SLIT3: variants seen among roughly 807,000 people sequenced by gnomAD.
The protein encoded by SLIT3 is slit homolog 3 protein.
Under a neutral mutation model 184.0 loss-of-function variants are expected in SLIT3, and 68 were observed. The observed-to-expected ratio is 0.37, with a 90% CI of 0.30 to 0.45. The LOEUF is 0.45. Among genes scored for constraint, SLIT3 ranks in the 20% least tolerant of loss-of-function variants. SLIT3 has a pLI of 1.00. For synonymous variants in SLIT3, 831 were observed against 828.6 expected (o/e 1.00, Z -0.05); for missense variants, 1,707 against 2,026.0 (o/e 0.84, Z 3.02).
At chr5:169,195,688 G>A (rs916404295) in intron 3 of SLIT3, among the ~76,000 whole-genome samples, 2 of 152,172 alleles carry the variant, frequency 1.3e-5, no homozygotes, top group Middle Eastern at 3.4e-3. Flanking sequence ...CACCATGCCT[G>A]GCTAATTTTT....
At chr5:169,071,246 C>T (rs988937016) in intron 4 of SLIT3, among the ~76,000 whole-genome samples, 1 of 152,154 alleles carries the variant, frequency 6.6e-6, no homozygotes, top group African/African-American at 2.4e-5. Flanking sequence ...GGCTTCAGTC[C>T]CTGAATGGGG....
chr5:169,090,163 T>C (rs1468309887), intron 4 of SLIT3, among the ~76,000 whole-genome samples: 4 of 152,230 alleles, frequency 2.6e-5, no homozygotes, highest in Non-Finnish European at 4.4e-5. Context: ...GGGGCCTGTC[T>C]GGCAGGAGAT....
intron 5 of SLIT3, among the ~76,000 whole-genome samples, chr5:168,878,018 G>T (rs900091793): frequency 1.4e-4 from 21 of 151,354 alleles, no homozygotes; most frequent in Non-Finnish European, 2.8e-4. Context: ...TCTCCTTTTC[G>T]CTGTGCCTTT....
chr5:169,253,154 C>T (rs1420187943), intron 1 of SLIT3, among the ~76,000 whole-genome samples: 2 of 152,018 alleles, frequency 1.3e-5, no homozygotes, highest in African/African-American at 2.4e-5. Context: ...GATGGGAAAC[C>T]TGCAGACAGA....
chr5:168,875,525 T>C (rs1442861050), intron 5 of SLIT3, among the ~76,000 whole-genome samples: 2 of 151,762 alleles, frequency 1.3e-5, no homozygotes, highest in East Asian at 1.9e-4. Flanking sequence ...TCCCAGTTAC[T>C]TGGGAGGCTG....
intron 3 of SLIT3, among the ~76,000 whole-genome samples, chr5:169,202,766 A>G (rs1051365090): frequency 1.3e-5 from 2 of 150,556 alleles, no homozygotes; most frequent in African/African-American, 4.9e-5. Flanking sequence ...CTCAAGTATG[A>G]AAAGAAAACA....
chr5:169,264,529 C>A (rs1305072703), intron 1 of SLIT3, among the ~76,000 whole-genome samples: 1 of 152,194 alleles, frequency 6.6e-6, no homozygotes, highest in East Asian at 1.9e-4. Flanking sequence ...CTGCTCACAT[C>A]AGGCGGTCCT....
rs374901955 is a variant in SLIT3 at position 168,712,925 on chromosome 5, G to A, written c.2484-571C>T. Among the ~76,000 whole-genome samples, 60 of 152,338 alleles carry A rather than the reference G, an allele frequency of 3.9e-4. 2 individuals are homozygous for A. In the South Asian group the frequency reaches 0.012, roughly 29 times the overall value. The stretch of plus-strand genomic sequence containing the variant: ...ATGGGTGTGTTAATCCACGTAGAGA[G>A]AGCCAGCATTTTCTAAGTGCTAAAT... On this transcript the variant is annotated intron_variant, in intron 23 of 35. Transcript: ENST00000519560.
chr5:169,256,576 G>A (rs1765967530), intron 1 of SLIT3, among the ~76,000 whole-genome samples: 1 of 152,234 alleles, frequency 6.6e-6, no homozygotes, highest in African/African-American at 2.4e-5. Flanking sequence ...TGACCACTGT[G>A]TCTTAACGCA....
At chr5:169,257,834 C>T (rs1766028122) in intron 1 of SLIT3, among the ~76,000 whole-genome samples, 1 of 152,078 alleles carries the variant, frequency 6.6e-6, no homozygotes, top group African/African-American at 2.4e-5. Context: ...AAATTATAGG[C>T]ATGAGCCACC....
intron 12 of SLIT3, among the ~76,000 whole-genome samples, chr5:168,782,815 C>T (rs144812987): frequency 1.3e-5 from 2 of 152,226 alleles, no homozygotes; most frequent in African/African-American, 2.4e-5. Context: ...CCTTGCATCC[C>T]CCAAAGACAA....
In SLIT3 at chr5:168,935,875, G is replaced by A. The variant is rs150741425; in HGVS notation, c.414-52539C>T. Among the ~76,000 whole-genome samples, 12 of 152,124 alleles carry A rather than the reference G, an allele frequency of 7.9e-5. No homozygotes were observed. In the East Asian group the frequency reaches 2.3e-3, roughly 29 times the overall value. ...TCCTTTGTATTTGTGTCTGATTTTT[G>A]TTTAAAGAATATTCTTTCCAAGATG... is the stretch of plus-strand genomic sequence containing the variant. On this transcript the variant is annotated intron_variant, in intron 4 of 35. Transcript: ENST00000519560.
In SLIT3 at chr5:168,865,260, G is replaced by A. The variant is rs184193673; in HGVS notation, c.485+18005C>T. Among the ~76,000 whole-genome samples, 108 of 150,980 alleles carry A rather than the reference G, an allele frequency of 7.2e-4. 1 individual carries two copies. Among genetic ancestry groups the A allele is most frequent in the African/African-American group, 2.3e-3 (96 of 41,062 alleles). On this transcript the variant is annotated intron_variant, in intron 5 of 35. Coordinates refer to ENST00000519560, the MANE Select transcript of SLIT3 (RefSeq NM_003062.4). ...ATTTACGTGAGGGAAATGAAAACTT[G>A]CATTCACACGAGGACTCATATAATT... is the stretch of plus-strand genomic sequence containing the variant.
chr5:168,765,703 C>A (rs1755317548), intron 14 of SLIT3, among the ~76,000 whole-genome samples: 1 of 152,172 alleles, frequency 6.6e-6, no homozygotes, highest in South Asian at 2.1e-4. Context: ...GGACCGACTG[C>A]AATAGGCTGT....
intron 1 of SLIT3, among the ~76,000 whole-genome samples, chr5:169,289,528 A>T (rs1293671050): frequency 6.6e-6 from 1 of 152,238 alleles, no homozygotes; most frequent in South Asian, 2.1e-4. Flanking sequence ...TACCCTGGAC[A>T]TGATAAAAGA....
intron 4 of SLIT3, among the ~76,000 whole-genome samples, chr5:169,154,436 C>G (rs1044322259): frequency 1.3e-5 from 2 of 152,364 alleles, no homozygotes; most frequent in Admixed American, 1.3e-4. Context: ...CTCTCTACCC[C>G]TTCTGCCTAG....
At chr5:169,167,998 C>A (rs1762695731) in intron 4 of SLIT3, among the ~76,000 whole-genome samples, 1 of 152,234 alleles carries the variant, frequency 6.6e-6, no homozygotes, top group South Asian at 2.1e-4. Context: ...AATTTCCTAG[C>A]CTGTCCACTC....
intron 4 of SLIT3, among the ~76,000 whole-genome samples, chr5:168,927,070 A>C (rs761156176): frequency 7.2e-5 from 11 of 152,240 alleles, no homozygotes; most frequent in Non-Finnish European, 1.5e-4. Context: ...AGATATTTGC[A>C]TACCAAAAAC....
chr5:169,213,443 T>C (rs896281037), intron 3 of SLIT3, among the ~76,000 whole-genome samples: 37 of 152,152 alleles, frequency 2.4e-4, no homozygotes, highest in East Asian at 7.7e-4. Context: ...AAACTTCATA[T>C]AGAACCAAAA....
Sources: allele counts gnomAD v4.1 joint callset (sites outside exome capture counted in the v4.1 genomes callset), GRCh38; gene constraint gnomAD v4.1.1; transcripts MANE v1.5; gene names NCBI Gene and HGNC (gene_info 2026-07-23, HGNC 2026-07-21).